The following ADCY2 variants were observed in gnomAD, a reference collection of about 807,000 sequenced individuals.
ADCY2 encodes adenylate cyclase type 2.
A neutral mutation model predicts 125.2 loss-of-function variants in ADCY2; 31 were observed. That is an observed-to-expected ratio of 0.25 (90% CI 0.19 to 0.33). The LOEUF (loss-of-function observed/expected upper bound fraction) is 0.33. ADCY2 is among the 10% of genes least tolerant of loss of function. ADCY2 has a pLI of 1.00. For missense variants in ADCY2, 904 were observed against 1,418.2 expected, an observed-to-expected ratio of 0.64 and a Z score of 5.82; for synonymous variants, 512 against 548.4, an observed-to-expected ratio of 0.93 and a Z score of 0.93.
chr5:7,461,668 A>G (rs1741922320), intron 2 of ADCY2, among the ~76,000 whole-genome samples: 1 of 152,232 alleles, frequency 6.6e-6, no homozygotes, highest in African/African-American at 2.4e-5. Flanking sequence ...TTATGGAAAA[A>G]TTACATTTGG....
chr5:7,402,503 G>A (rs188171011), intron 1 of ADCY2, among the ~76,000 whole-genome samples: 74 of 152,238 alleles, frequency 4.9e-4, no homozygotes, highest in Non-Finnish European at 1.0e-3. Flanking sequence ...AGTGAGAGTC[G>A]GGTAGACACA....
intron 22 of ADCY2, among the ~76,000 whole-genome samples, chr5:7,814,674 G>A (rs1245884016): frequency 6.6e-6 from 1 of 152,110 alleles, no homozygotes; most frequent in Non-Finnish European, 1.5e-5. Flanking sequence ...CTGTCACCTT[G>A]AATAGGTGCT....
Position 7,690,731 on chromosome 5 carries a change from T to C in ADCY2, c.761T>C (p.Met254Thr). 1 of 1,608,060 alleles carries C rather than the reference T, an allele frequency of 6.2e-7. No homozygotes were observed. Among genetic ancestry groups the C allele is most frequent in the African/African-American group, 1.3e-5 (1 of 74,656 alleles). Residue 254 changes from methionine (M) to threonine (T), a missense_variant, in exon 5 of 25, where the codon ATG (methionine) becomes ACG (threonine). Physicochemically the swap from Met to Thr is moderately conservative, Grantham distance 81. Coordinates refer to ENST00000338316, the MANE Select transcript of ADCY2 (RefSeq NM_020546.3). ...TCCCTGCTGCCGGCCCACATCGCCA[T>C]GGAGATGAAAGCGGAGATCATCCAG... is the stretch of plus-strand genomic sequence containing the variant. The part of the protein sequence containing the change: ...LLSLLPAHIA[M>T]EMKAEIIQRL...
intron 4 of ADCY2, among the ~76,000 whole-genome samples, chr5:7,680,991 A>G (rs1740310004): frequency 6.6e-6 from 1 of 152,246 alleles, no homozygotes; most frequent in South Asian, 2.1e-4. Context: ...TAGGATATGT[A>G]TGTGTAGAAA....
At chr5:7,729,963 T>C (rs1032244719) in intron 14 of ADCY2, among the ~76,000 whole-genome samples, 3 of 152,056 alleles carry the variant, frequency 2.0e-5, no homozygotes, top group African/African-American at 4.8e-5. Flanking sequence ...AAGCCTGAGA[T>C]TTCAGTGCAT....
At chr5:7,763,889 G>A (rs939619500) in intron 16 of ADCY2, among the ~76,000 whole-genome samples, 3 of 152,168 alleles carry the variant, frequency 2.0e-5, no homozygotes, top group Non-Finnish European at 4.4e-5. Flanking sequence ...AACATGTGAC[G>A]GCTTGAGGCT....
rs1365694933 is a variant in ADCY2, at chr5:7,609,071, GT to G, written c.571-17093del. On this transcript the variant is annotated intron_variant, in intron 3 of 24. Transcript: ENST00000338316. ...ACTCAAATCTGGCCAGTCTGGGAAG[GT>G]TTCATTCCCTTTCAGGTGACAAAAC... Among the ~76,000 whole-genome samples, 3 of 152,150 alleles carry G rather than the reference GT, an allele frequency of 2.0e-5. No homozygotes were observed. The East Asian group carries it at 5.8e-4, about 29-fold the overall frequency.
At chr5:7,552,797 A>G (rs1050027555) in intron 3 of ADCY2, among the ~76,000 whole-genome samples, 1 of 152,174 alleles carries the variant, frequency 6.6e-6, no homozygotes, top group Non-Finnish European at 1.5e-5. Flanking sequence ...ATTTTTTCTT[A>G]GGTTGCCCTT....
intron 2 of ADCY2, among the ~76,000 whole-genome samples, chr5:7,518,923 A>T (rs1205251561): frequency 1.3e-5 from 2 of 152,028 alleles, no homozygotes; most frequent in African/African-American, 4.8e-5. Context: ...TGCACCCTCC[A>T]CCTCCAGAAC....
intron 1 of ADCY2, among the ~76,000 whole-genome samples, chr5:7,407,867 C>CTT (rs963332049): frequency 0.022 from 2,763 of 127,890 alleles, 47 homozygotes; most frequent in Non-Finnish European, 0.034. Context: ...CTCTTCAGTT[C>CTT]TTTTTTTTTT....
At chr5:7,785,430 G>A (rs915690859) in intron 19 of ADCY2, among the ~76,000 whole-genome samples, 2 of 152,222 alleles carry the variant, frequency 1.3e-5, no homozygotes, top group Non-Finnish European at 2.9e-5. Context: ...CCCTAGCACC[G>A]AGCTGTCCTG....
chr5:7,534,316 A>G (rs1011697797), intron 3 of ADCY2, among the ~76,000 whole-genome samples: 3 of 152,232 alleles, frequency 2.0e-5, no homozygotes, highest in Admixed American at 2.0e-4. Flanking sequence ...GGAAACATAA[A>G]TTGCATGCAT....
chr5:7,607,161 C>T (rs17828201), intron 3 of ADCY2, among the ~76,000 whole-genome samples: 2,995 of 152,306 alleles, frequency 0.02, 40 homozygotes, highest in Non-Finnish European at 0.029. Flanking sequence ...CTATTCAGTA[C>T]AGCAGCCCTC....
intron 1 of ADCY2, among the ~76,000 whole-genome samples, chr5:7,398,832 G>T (rs894148513): frequency 6.6e-6 from 1 of 152,166 alleles, no homozygotes; most frequent in Non-Finnish European, 1.5e-5. Context: ...GGATGATGTT[G>T]GGCTCCCAAC....
chr5:7,652,295 T>A (rs1739124033), intron 4 of ADCY2, among the ~76,000 whole-genome samples: 1 of 152,162 alleles, frequency 6.6e-6, no homozygotes, highest in African/African-American at 2.4e-5. Context: ...TAAAAATGAA[T>A]CCTTTATATT....
intron 2 of ADCY2, among the ~76,000 whole-genome samples, chr5:7,460,707 G>C (rs1741886940): frequency 6.6e-6 from 1 of 151,750 alleles, no homozygotes; most frequent in Non-Finnish European, 1.5e-5. Flanking sequence ...TTTTTTTGTG[G>C]ACATGGAATT....
chr5:7,430,833 G>A (rs1007025718), intron 2 of ADCY2, among the ~76,000 whole-genome samples: 1 of 152,044 alleles, frequency 6.6e-6, no homozygotes, highest in African/African-American at 2.4e-5. Flanking sequence ...ATAGATATGT[G>A]CAATTTCACT....
At chr5:7,589,511 A>AAAG (rs757777978) in intron 3 of ADCY2, among the ~76,000 whole-genome samples, 11,031 of 108,734 alleles carry the variant, frequency 0.1, 852 homozygotes, top group Non-Finnish European at 0.12. Context: ...AGAAAGAAAG[A>AAAG]AAAGAAAAGA....
intron 2 of ADCY2, among the ~76,000 whole-genome samples, chr5:7,461,851 G>A (rs1240955890): frequency 1.3e-5 from 2 of 152,176 alleles, no homozygotes; most frequent in African/African-American, 2.4e-5. Context: ...TTGATTGCTA[G>A]TGACAAAAAT....
Sources: gnomAD v4.1 joint callset for allele counts (sites outside exome capture counted in the v4.1 genomes callset) on GRCh38, gnomAD v4.1.1 for gene constraint, MANE v1.5 for transcripts, NCBI Gene and HGNC (gene_info 2026-07-23, HGNC 2026-07-21) for gene names.